Variants in LRP1B observed in about 807,000 individuals in gnomAD.
LRP1B encodes LDL receptor related protein 1B, also known as low-density lipoprotein receptor-related protein 1B.
A neutral mutation model predicts 556.6 loss-of-function variants in LRP1B; 217 were observed. That is an observed-to-expected ratio of 0.39 (90% CI 0.35 to 0.44). LRP1B has a LOEUF of 0.44. LRP1B is among the 20% of genes least tolerant of loss of function. The pLI, the probability that LRP1B is intolerant of heterozygous loss-of-function variation, is 1.00. For synonymous variants in LRP1B, 2,047 were observed against 1,865.8 expected, an observed-to-expected ratio of 1.10 and a Z score of -2.50; for missense variants, 5,053 against 5,620.8, an observed-to-expected ratio of 0.90 and a Z score of 3.23.
intron 2 of LRP1B, among the ~76,000 whole-genome samples, chr2:141,704,317 G>A (rs1192213913): frequency 2.0e-5 from 3 of 151,860 alleles, no homozygotes; most frequent in Non-Finnish European, 4.4e-5. Flanking sequence ...TTATTAAGCA[G>A]AACTTCTCTA....
chr2:140,959,246 A>G (rs1429585434), intron 18 of LRP1B, among the ~76,000 whole-genome samples: 1 of 151,746 alleles, frequency 6.6e-6, no homozygotes, highest in Non-Finnish European at 1.5e-5. Flanking sequence ...CGAGAGATAC[A>G]GGATTAGAAG....
At chr2:141,792,048 CT>C (rs5834868) in intron 2 of LRP1B, among the ~76,000 whole-genome samples, 16 of 150,158 alleles carry the variant, frequency 1.1e-4, no homozygotes, top group South Asian at 2.1e-4. Context: ...TTTTTCAAGT[CT>C]TTTTTTTTGG....
At chr2:141,301,063 G>A (rs576877004) in intron 3 of LRP1B, among the ~76,000 whole-genome samples, 1 of 152,256 alleles carries the variant, frequency 6.6e-6, no homozygotes, top group East Asian at 1.9e-4. Flanking sequence ...ATGGGTCTGG[G>A]AAACATTGGT....
At chr2:140,716,922 G>C in intron 35 of LRP1B, 106 bp from the exon 36 acceptor site, 1 of 507,286 alleles carries the variant, frequency 2.0e-6, no homozygotes, top group East Asian at 3.1e-5. Flanking sequence ...TATCATCCTG[G>C]GTATGCTAGA....
At chr2:140,320,567 C>G (rs1032855286) in intron 82 of LRP1B, among the ~76,000 whole-genome samples, 1 of 151,814 alleles carries the variant, frequency 6.6e-6, no homozygotes, top group Non-Finnish European at 1.5e-5. Context: ...CTGTGATCCT[C>G]CAGTGATTTT....
In LRP1B at chr2:142,076,431, T is replaced by G. The variant is rs1046912136; in HGVS notation, c.82+54217A>C. Among the ~76,000 whole-genome samples, 3 of 152,102 alleles carry G rather than the reference T, an allele frequency of 2.0e-5. No homozygotes were observed. In the East Asian group the frequency reaches 5.8e-4, roughly 29 times the overall value. On this transcript the variant is annotated intron_variant, in intron 1 of 90. Transcript: ENST00000389484. ...ATTTCGAGTGCTCAAATCTTAATACTCCTTGCTAAGGGTACTTTGAGGAAA... is the reference window on the plus strand; with the variant it reads ...ATTTCGAGTGCTCAAATCTTAATACGCCTTGCTAAGGGTACTTTGAGGAAA...
At chr2:140,933,182 G>A (rs1695105608) in intron 20 of LRP1B, among the ~76,000 whole-genome samples, 2 of 151,838 alleles carry the variant, frequency 1.3e-5, no homozygotes, top group Non-Finnish European at 2.9e-5. Flanking sequence ...GATCTGTTCA[G>A]TATAGTGCAG....
At chr2:140,297,723 TTAA>T in intron 84 of LRP1B, 82 bp downstream of exon 84, 1 of 1,425,922 alleles carries the variant, frequency 7.0e-7, no homozygotes, top group Admixed American at 2.1e-5. Context: ...ATGGCTAAAA[TTAA>T]GATAATGGAA....
At position 141,334,186 on chromosome 2, in the gene LRP1B, T is replaced by G. The variant is rs116762267; in HGVS notation, c.344-79545A>C. On this transcript the variant is annotated intron_variant, in intron 3 of 90. Transcript: ENST00000389484. Reference sequence around the variant, plus strand: ...GTTTGGCTCTGTGTCCCTAGCCAAATCTCCTGTCCAACTGTAATCCTCAGT... The same window carrying G: ...GTTTGGCTCTGTGTCCCTAGCCAAAGCTCCTGTCCAACTGTAATCCTCAGT... Among the ~76,000 whole-genome samples the G allele has an allele frequency of 1.3e-3, 204 of 152,298 alleles. 1 individual carries two copies. The highest frequency in any genetic ancestry group is 4.4e-3 in the African/African-American group (183 of 41,562).
intron 77 of LRP1B, among the ~76,000 whole-genome samples, chr2:140,342,615 G>T (rs2105099176): frequency 6.6e-6 from 1 of 151,568 alleles, no homozygotes; most frequent in East Asian, 2.0e-4. Context: ...ATATGTTAAT[G>T]GTGCACAGAT....
intron 1 of LRP1B, among the ~76,000 whole-genome samples, chr2:142,037,528 C>T (rs892608071): frequency 1.3e-5 from 2 of 151,588 alleles, no homozygotes; most frequent in African/African-American, 2.4e-5. Flanking sequence ...AAACATAATA[C>T]TTAAATTCTA....
At chr2:140,894,632 C>T (rs893553766) in intron 23 of LRP1B, among the ~76,000 whole-genome samples, 1 of 151,810 alleles carries the variant, frequency 6.6e-6, no homozygotes, top group Non-Finnish European at 1.5e-5. Context: ...TGATGATATC[C>T]GGGGAAGTAG....
chr2:141,413,842 C>A (rs1418676363), intron 3 of LRP1B, among the ~76,000 whole-genome samples: 2 of 151,584 alleles, frequency 1.3e-5, no homozygotes, highest in African/African-American at 4.9e-5. Context: ...TGTGCCACTG[C>A]TCTCCCAACC....
chr2:140,727,079 T>A (rs1451669529), intron 35 of LRP1B, among the ~76,000 whole-genome samples: 1 of 152,128 alleles, frequency 6.6e-6, no homozygotes, highest in Non-Finnish European at 1.5e-5. Flanking sequence ...CTTTAAAAAA[T>A]TTTTATCTGT....
intron 3 of LRP1B, among the ~76,000 whole-genome samples, chr2:141,301,893 T>C (rs1248289055): frequency 1.3e-5 from 2 of 152,128 alleles, no homozygotes. Flanking sequence ...CCATTGTGGG[T>C]GAAAAATTAT....
At chr2:141,510,195 G>GACACACACACACAC (rs59647485) in intron 2 of LRP1B, among the ~76,000 whole-genome samples, 4 of 95,100 alleles carry the variant, frequency 4.2e-5, no homozygotes, top group East Asian at 9.8e-4. Flanking sequence ...CGGCAATACA[G>GACACACACACACAC]ACACACACAC....
At chr2:141,886,417 G>A (rs1699115090) in intron 1 of LRP1B, among the ~76,000 whole-genome samples, 1 of 152,134 alleles carries the variant, frequency 6.6e-6, no homozygotes, top group Non-Finnish European at 1.5e-5. Context: ...ATTTTGACCT[G>A]AGAAAGAAAT....
intron 83 of LRP1B, among the ~76,000 whole-genome samples, chr2:140,302,466 TGTTA>T (rs1021725700): frequency 3.3e-5 from 5 of 152,312 alleles, no homozygotes; most frequent in African/African-American, 1.2e-4. Flanking sequence ...AGTTGCACTC[TGTTA>T]GTTAGCAAAG....
chr2:140,495,115 C>A (rs1205081106), intron 56 of LRP1B, among the ~76,000 whole-genome samples: 1 of 151,980 alleles, frequency 6.6e-6, no homozygotes, highest in Non-Finnish European at 1.5e-5. Context: ...TTCAAATAGT[C>A]CTATATAGCT....
Sources: gnomAD v4.1 joint callset for allele counts (sites outside exome capture counted in the v4.1 genomes callset) on GRCh38, gnomAD v4.1.1 for gene constraint, MANE v1.5 for transcripts, NCBI Gene and HGNC (gene_info 2026-07-23, HGNC 2026-07-21) for gene names.